PTPRD: variants seen among roughly 807,000 people sequenced by gnomAD.
PTPRD encodes receptor-type tyrosine-protein phosphatase delta.
Under a neutral mutation model 214.5 loss-of-function variants are expected in PTPRD, and 34 were observed. The ratio of observed to expected loss-of-function variants is 0.16; its 90% CI spans 0.12 to 0.21. The LOEUF is 0.21. Ranked by LOEUF, PTPRD falls within the 10% of genes least tolerant of loss-of-function variation. The probability of loss-of-function intolerance (pLI) is 1.00; values close to 1 mark genes in which losing one functional copy is unlikely to be tolerated. For synonymous variants in PTPRD, 1,128 were observed against 845.7 expected (o/e 1.33, Z -5.79); for missense variants, 2,545 against 2,398.7 (o/e 1.06, Z -1.27).
chr9:10,602,157 T>C (rs2078144709), intron 2 of PTPRD, among the ~76,000 whole-genome samples: 1 of 151,866 alleles, frequency 6.6e-6, no homozygotes, highest in South Asian at 2.1e-4. Context: ...TTTGCCATCT[T>C]GTGGTATTAA....
At chr9:10,539,018 C>T (rs1211037054) in intron 2 of PTPRD, among the ~76,000 whole-genome samples, 2 of 152,138 alleles carry the variant, frequency 1.3e-5, no homozygotes, top group Non-Finnish European at 2.9e-5. Flanking sequence ...GGTAATGGCT[C>T]TTCCCTAAAT....
chr9:8,331,362 T>G (rs546778260), intron 44 of PTPRD, among the ~76,000 whole-genome samples: 6 of 152,146 alleles, frequency 3.9e-5, no homozygotes, highest in Admixed American at 2.0e-4. Context: ...GAAGCAAATT[T>G]TTTGGGGGAT....
intron 9 of PTPRD, among the ~76,000 whole-genome samples, chr9:9,340,863 A>T (rs1275462097): frequency 1.3e-5 from 2 of 152,148 alleles, no homozygotes; most frequent in Admixed American, 6.6e-5. Flanking sequence ...AAGGCATATA[A>T]TTCATTTTAC....
At chr9:10,320,309 G>A (rs868581189) in intron 3 of PTPRD, among the ~76,000 whole-genome samples, 1 of 151,912 alleles carries the variant, frequency 6.6e-6, no homozygotes, top group South Asian at 2.1e-4. Context: ...CTACAGCTGA[G>A]GGGAAAAAAA....
chr9:10,126,730 G>A (rs1412736746), intron 3 of PTPRD, among the ~76,000 whole-genome samples: 2 of 152,126 alleles, frequency 1.3e-5, no homozygotes, highest in East Asian at 3.9e-4. Flanking sequence ...CCTGCTGACA[G>A]GGATGGGTAT....
chr9:10,231,039 C>G (rs746881632), intron 3 of PTPRD, among the ~76,000 whole-genome samples: 1 of 151,914 alleles, frequency 6.6e-6, no homozygotes, highest in Non-Finnish European at 1.5e-5. Context: ...AAAATAACCT[C>G]CTGGACTGGT....
chr9:9,520,564 T>G (rs1277575617), intron 8 of PTPRD, among the ~76,000 whole-genome samples: 1 of 152,178 alleles, frequency 6.6e-6, no homozygotes, highest in African/African-American at 2.4e-5. Context: ...TTATGCTCGT[T>G]TGCTTGCTTC....
chr9:8,586,171 G>A (rs1334264197), intron 14 of PTPRD, among the ~76,000 whole-genome samples: 3 of 152,094 alleles, frequency 2.0e-5, no homozygotes, highest in Non-Finnish European at 4.4e-5. Flanking sequence ...GTGGCGGCGT[G>A]TGCCTGTAAT....
Position 8,456,897 on chromosome 9 carries a change from T to C in PTPRD, c.3875+3514A>G, listed in dbSNP as rs569040518. The stretch of plus-strand genomic sequence containing the variant: ...TGTAATAAACACTTTTTATCCATCT[T>C]GAAATGCTTTTCCATAGAGGTAAGG... On this transcript the variant is annotated intron_variant, in intron 33 of 45. Coordinates refer to ENST00000381196, the MANE Select transcript of PTPRD (RefSeq NM_002839.4). 7.2e-4 allele frequency among the ~76,000 whole-genome samples: 109 copies of C among 152,350 alleles called. 4 individuals are homozygous for C. In the South Asian group the frequency reaches 0.022, roughly 30 times the overall value.
At chr9:9,036,887 A>G (rs2099623648) in intron 10 of PTPRD, among the ~76,000 whole-genome samples, 1 of 152,182 alleles carries the variant, frequency 6.6e-6, no homozygotes, top group Non-Finnish European at 1.5e-5. Flanking sequence ...CACATCCAAC[A>G]TCAACAACTT....
At chr9:9,047,187 A>G (rs1347424564) in intron 10 of PTPRD, among the ~76,000 whole-genome samples, 2 of 152,130 alleles carry the variant, frequency 1.3e-5, no homozygotes, top group African/African-American at 2.4e-5. Flanking sequence ...AATACCTAGG[A>G]ATTAACCAAA....
At chr9:10,340,142 C>T (rs1382280632) in intron 3 of PTPRD, among the ~76,000 whole-genome samples, 2 of 151,838 alleles carry the variant, frequency 1.3e-5, no homozygotes, top group East Asian at 3.9e-4. Flanking sequence ...TAGCCTCTGT[C>T]TTCTAAATGC....
intron 2 of PTPRD, among the ~76,000 whole-genome samples, chr9:10,595,531 G>A (rs530327005): frequency 6.6e-6 from 1 of 151,576 alleles, no homozygotes; most frequent in East Asian, 2.0e-4. Flanking sequence ...AGACAAGTGG[G>A]TTCTTTTTGG....
At chr9:8,520,352 G>A (rs2097863148) in intron 20 of PTPRD, among the ~76,000 whole-genome samples, 1 of 151,940 alleles carries the variant, frequency 6.6e-6, no homozygotes, top group East Asian at 1.9e-4. Flanking sequence ...TGATATATAC[G>A]CTTGGTTAGA....
intron 11 of PTPRD, among the ~76,000 whole-genome samples, chr9:8,749,235 G>A (rs970732812): frequency 2.0e-5 from 3 of 152,164 alleles, no homozygotes; most frequent in Non-Finnish European, 4.4e-5. Flanking sequence ...AGGCTGGAGT[G>A]CAGTGGCACC....
In PTPRD at chr9:9,645,602, G is replaced by T. The variant is rs528139411; in HGVS notation, c.-286-70821C>A. On this transcript the variant is annotated intron_variant, in intron 7 of 45. Coordinates refer to ENST00000381196, the MANE Select transcript of PTPRD (RefSeq NM_002839.4). ...AGAATTTCTGATGTCTTCAATGGCT[G>T]CTACAAAACAAAAACATAAACTTTA... Among the ~76,000 whole-genome samples, 6 of 151,768 alleles carry T rather than the reference G, an allele frequency of 4.0e-5. No homozygotes were observed. In the South Asian group the frequency reaches 6.2e-4, roughly 16 times the overall value.
intron 11 of PTPRD, among the ~76,000 whole-genome samples, chr9:8,833,288 T>C (rs2097336352): frequency 6.6e-6 from 1 of 152,162 alleles, no homozygotes; most frequent in Non-Finnish European, 1.5e-5. Context: ...GATTTGAGCA[T>C]GTGACTTTTG....
chr9:9,004,076 T>C (rs561344150), intron 11 of PTPRD, among the ~76,000 whole-genome samples: 1 of 152,162 alleles, frequency 6.6e-6, no homozygotes, highest in South Asian at 2.1e-4. Flanking sequence ...CTTTTTGTGT[T>C]CTCACAGACT....
At chr9:8,790,858 T>C (rs2096202474) in intron 11 of PTPRD, among the ~76,000 whole-genome samples, 1 of 152,080 alleles carries the variant, frequency 6.6e-6, no homozygotes, top group African/African-American at 2.4e-5. Context: ...TAATTTAAAA[T>C]TAAAAGTAAA....
Sources: allele counts gnomAD v4.1 joint callset (sites outside exome capture counted in the v4.1 genomes callset), GRCh38; gene constraint gnomAD v4.1.1; transcripts MANE v1.5; gene names NCBI Gene and HGNC (gene_info 2026-07-23, HGNC 2026-07-21).